ERCC1: variants seen among roughly 807,000 people sequenced by gnomAD.
ERCC1 encodes ERCC excision repair 1, endonuclease non-catalytic subunit, also known as DNA excision repair protein ERCC-1.
In ERCC1, 36 loss-of-function variants were observed where a neutral mutation model predicts 37.6. That is an observed-to-expected ratio of 0.96 (90% CI 0.73 to 1.26). The LOEUF is 1.26. Among genes scored for constraint, ERCC1 ranks in the 50% most tolerant of loss-of-function variants. ERCC1 has a pLI of 0.00. For synonymous variants in ERCC1, 156 were observed against 162.1 expected (o/e 0.96, Z 0.28); for missense variants, 349 against 376.5 (o/e 0.93, Z 0.60).
At chr19:45,430,074 GC>G (rs1438905311) in intron 1 of ERCC1, among the ~76,000 whole-genome samples, 1 of 152,146 alleles carries the variant, frequency 6.6e-6, no homozygotes, top group Non-Finnish European at 1.5e-5. Flanking sequence ...ATGAGCCACC[GC>G]GTCCAGCCGG....
intron 6 of ERCC1, among the ~76,000 whole-genome samples, chr19:45,416,175 A>G (rs1974058461): frequency 6.6e-6 from 1 of 152,172 alleles, no homozygotes; most frequent in African/African-American, 2.4e-5. Context: ...TATGACTTTG[A>G]AGATCAGAGA....
chr19:45,413,680 CT>C lies in ERCC1; in HGVS notation c.839del (p.Gln280ArgfsTer15). 1.2e-6 allele frequency: 2 copies of C among 1,614,202 alleles called. No homozygotes were observed. The highest frequency in any genetic ancestry group is 2.2e-5 in the South Asian group (2 of 91,090). On this transcript the variant is annotated frameshift_variant, in exon 9 of 10. Coordinates refer to ENST00000300853, the MANE Select transcript of ERCC1 (RefSeq NM_001983.4). LOFTEE classifies it high-confidence loss of function. ...GGTTCTTTCCCAGAGCTCTTACTTT[CT>C]GAGGGCCCAGGCCTGGGCATAAGGC... is the stretch of plus-strand genomic sequence containing the variant. ...DLALCPGLGPQKARRLFDVLH... is the reference protein window; with the variant it reads ...DLALCPGLGPXKARRLFDVLH...
chr19:45,416,055 A>G (rs541068556), intron 6 of ERCC1, among the ~76,000 whole-genome samples: 31 of 152,236 alleles, frequency 2.0e-4, no homozygotes, highest in Admixed American at 2.0e-3. Flanking sequence ...GGACTGCCTG[A>G]GCCTGTCAAG....
At chr19:45,431,219 C>CT (rs1425329879) in intron 1 of ERCC1, among the ~76,000 whole-genome samples, 1 of 152,216 alleles carries the variant, frequency 6.6e-6, no homozygotes, top group African/African-American at 2.4e-5. Context: ...CGTGAGGACC[C>CT]AGCTGTCTTC....
intron 9 of ERCC1, 180 bp from the exon 10 acceptor site, chr19:45,409,905 T>A: frequency 3.8e-6 from 1 of 259,942 alleles, no homozygotes; most frequent in Non-Finnish European, 6.9e-6. Context: ...ATTTTTTTTT[T>A]TTTTGAGATG....
upstream of ERCC1, among the ~76,000 whole-genome samples, chr19:45,427,465 A>T (rs890386640): frequency 1.3e-5 from 2 of 151,758 alleles, no homozygotes; most frequent in Non-Finnish European, 2.9e-5. Context: ...CAAAAAAAAA[A>T]TTAGCCGGGC....
intron 5 of ERCC1, among the ~76,000 whole-genome samples, chr19:45,417,502 G>A (rs1210035416): frequency 2.6e-5 from 4 of 152,166 alleles, no homozygotes; most frequent in Non-Finnish European, 4.4e-5. Flanking sequence ...ATGGGCAAAG[G>A]ATGGGAGGGG....
intron 9 of ERCC1, among the ~76,000 whole-genome samples, chr19:45,411,586 G>A (rs1973739519): frequency 6.6e-6 from 1 of 152,044 alleles, no homozygotes; most frequent in Non-Finnish European, 1.5e-5. Flanking sequence ...CAGAGGTCAG[G>A]AGTTCAAGAC....
Position 45,423,280 on chromosome 19 carries a change from G to C in ERCC1, c.95C>G (p.Pro32Arg). 8 of 1,613,414 alleles carry C rather than the reference G, an allele frequency of 5.0e-6. No individual in the cohort carries two copies. Among genetic ancestry groups the C allele is most frequent in the South Asian group, 1.1e-5 (1 of 90,852 alleles). The change falls in exon 2 of 10, where the codon CCT becomes CGT. Residue 32 changes from proline to arginine, a missense_variant. Pro to Arg is a moderately radical substitution (Grantham distance 103). Coordinates refer to ENST00000300853, the MANE Select transcript of ERCC1 (RefSeq NM_001983.4). ...FVIPLDEDEV[P>R]PGVAKPLFRS... Reference sequence around the variant, plus strand: ...ATCTCCTTGTCCTACCACTCCAGGAGGGACCTCATCCTCGTCGAGGGGTAT... The same window carrying C: ...ATCTCCTTGTCCTACCACTCCAGGACGGACCTCATCCTCGTCGAGGGGTAT...
chr19:45,414,031 T>A lies in ERCC1; in HGVS notation c.706A>T (p.Thr236Ser), dbSNP rs777996059. ...KLEQDFVSRV[T>S]ECLTTVKSVN... ...GACTTCACGGTGGTCAGACATTCAG[T>A]CACCTGGAAAGGGTGGAGGCAGGAG... is the stretch of plus-strand genomic sequence containing the variant. Residue 236 changes from threonine to serine, a missense_variant, in exon 8 of 10, where the codon ACT (threonine) becomes TCT (serine). Coordinates refer to ENST00000300853, the MANE Select transcript of ERCC1 (RefSeq NM_001983.4). 6 of 1,612,648 alleles carry A rather than the reference T, an allele frequency of 3.7e-6. No homozygotes were observed. Among genetic ancestry groups the A allele is most frequent in the Non-Finnish European group, 4.2e-6 (5 of 1,179,772 alleles).
chr19:45,435,059 A>G (rs142738510), intron 1 of ERCC1, among the ~76,000 whole-genome samples: 1,930 of 152,102 alleles, frequency 0.013, 45 homozygotes, highest in African/African-American at 0.045. Flanking sequence ...CTGCAATTAC[A>G]GGCATGAGCC....
upstream of ERCC1, among the ~76,000 whole-genome samples, chr19:45,427,721 C>T (rs567661883): frequency 1.1e-4 from 16 of 152,334 alleles, no homozygotes; most frequent in South Asian, 2.9e-3. Flanking sequence ...CAGTTATCCC[C>T]TTGGGGAATG....
rs1974330076 is a variant in ERCC1 at position 45,420,272 on chromosome 19, C to A, written c.425+52G>T. ...CCAGAACACTGGGACATGACCCTCC[C>A]AGGCCAGTGGGGTGCCCTTCCTGAA... On this transcript the variant is annotated intron_variant, in intron 4 of 9. Transcript: ENST00000300853. This position sits in a 1 kb window ranked among gnomAD's most constrained non-coding sequence, Gnocchi z 4.8. 3 of 1,189,820 alleles carry A rather than the reference C, an allele frequency of 2.5e-6. No individual in the cohort carries two copies. The highest frequency in any genetic ancestry group is 3.7e-6 in the Non-Finnish European group (3 of 809,298). The allele number at this position is 1,189,820 out of a possible 1,614,324, so 73.7% of individuals were successfully genotyped here.
intron 1 of ERCC1, among the ~76,000 whole-genome samples, chr19:45,442,110 A>C (rs1193567035): frequency 6.6e-6 from 1 of 151,868 alleles, no homozygotes. Context: ...CCAGGAGTTC[A>C]AGACCAGCCT....
In ERCC1 at chr19:45,409,680, G is replaced by C. The variant is rs968270019; in HGVS notation, c.889C>G (p.Pro297Ala). Residue 297 changes from proline (P) to alanine (A), a missense_variant, in exon 10 of 10, where the codon CCC (proline) becomes GCC (alanine). Physicochemically the swap from Pro to Ala is conservative, Grantham distance 27 (BLOSUM62 -1). Transcript: ENST00000300853. ...TTCCTTGGCAGCTGGGGTCATCAGG[G>C]TACTTTCAAGAAGGGCTCGTGCAGG... ...DVLHEPFLKVP is the reference protein window; with the variant it reads ...DVLHEPFLKVA 3 of 1,153,366 alleles carry C rather than the reference G, an allele frequency of 2.6e-6. No individual in the cohort carries two copies. The highest frequency in any genetic ancestry group is 3.9e-6 in the Non-Finnish European group (3 of 759,640). The allele number at this position is 1,153,366 out of a possible 1,614,324, so 71.4% of individuals were successfully genotyped here.
intron 1 of ERCC1, among the ~76,000 whole-genome samples, chr19:45,438,839 C>T (rs1975046784): frequency 6.6e-6 from 1 of 151,442 alleles, no homozygotes; most frequent in African/African-American, 2.4e-5. Flanking sequence ...CGGGGTTTCT[C>T]CGTGTTGGTC....
chr19:45,429,918 G>A (rs1974791597), intron 1 of ERCC1, among the ~76,000 whole-genome samples: 1 of 152,156 alleles, frequency 6.6e-6, no homozygotes, highest in South Asian at 2.1e-4. Context: ...CTGAGTAGCT[G>A]GGACTACAGG....
At chr19:45,414,500 C>A in intron 7 of ERCC1, 2 of 342,888 alleles carry the variant, frequency 5.8e-6, no homozygotes, top group Admixed American at 4.3e-5. Context: ...AGGAATTAGG[C>A]AGGTAATTGG....
At chr19:45,416,725 C>T (rs373168238) in intron 6 of ERCC1, 96 bp downstream of exon 6, 8 of 899,272 alleles carry the variant, frequency 8.9e-6, no homozygotes, top group Middle Eastern at 2.9e-4. Context: ...CAGGCCCACA[C>T]AGGAAGGAGA....
Sources: allele counts gnomAD v4.1 joint callset (sites outside exome capture counted in the v4.1 genomes callset), GRCh38; gene constraint gnomAD v4.1.1; non-coding constraint Gnocchi (gnomAD v3.1); transcripts MANE v1.5; gene names NCBI Gene and HGNC (gene_info 2026-07-23, HGNC 2026-07-21).